ATP10A: variants seen among roughly 807,000 people sequenced by gnomAD.
The protein encoded by ATP10A is ATPase phospholipid transporting 10A (putative).
Under a neutral mutation model 147.8 loss-of-function variants are expected in ATP10A, and 111 were observed. The observed-to-expected ratio is 0.75, with a 90% confidence interval of 0.64 to 0.88. ATP10A has a LOEUF of 0.88. ATP10A is among the 40% of genes least tolerant of loss of function. The probability of loss-of-function intolerance (pLI) is 0.00; values close to 1 mark genes in which losing one functional copy is unlikely to be tolerated. For synonymous variants in ATP10A, 875 were observed against 841.6 expected, an observed-to-expected ratio of 1.04 and a Z score of -0.69; for missense variants, 1,927 against 1,959.0, an observed-to-expected ratio of 0.98 and a Z score of 0.31.
chr15:25,828,388 A>C lies in ATP10A; in HGVS notation c.449+34260T>G, dbSNP rs1044845820. ...GGCGTGTCCTGTAGTACAGACCATAAGCTAAGCCATAGAACAAAACTCAGT... is the reference window on the plus strand; with the variant it reads ...GGCGTGTCCTGTAGTACAGACCATACGCTAAGCCATAGAACAAAACTCAGT... On this transcript the variant is annotated intron_variant, in intron 1 of 20. Coordinates refer to ENST00000555815, the MANE Select transcript of ATP10A (RefSeq NM_024490.4). Among the ~76,000 whole-genome samples, 4 of 152,254 alleles carry C rather than the reference A, an allele frequency of 2.6e-5. No individual in the cohort carries two copies. The East Asian group carries it at 5.8e-4, about 22-fold the overall frequency.
chr15:25,694,406 T>A (rs1900197531), intron 14 of ATP10A, among the ~76,000 whole-genome samples: 2 of 152,188 alleles, frequency 1.3e-5, no homozygotes, highest in African/African-American at 4.8e-5. Context: ...TTACAAAGCC[T>A]TGGACACCCG....
rs1298984955 is a variant in ATP10A, at chr15:25,727,281, T to C, written c.741-15A>G. On this transcript the variant is annotated splice_polypyrimidine_tract_variant and intron_variant, in intron 3 of 20. Transcript: ENST00000555815. The stretch of plus-strand genomic sequence containing the variant: ...TGTCATGTATGCTGTAGAGGGACAG[T>C]TGGCACATGTCACGTGGTTGCAGGC... 4.4e-6 allele frequency: 7 copies of C among 1,602,072 alleles called. No individual in the cohort carries two copies. Among genetic ancestry groups the C allele is most frequent in the Non-Finnish European group, 6.0e-6 (7 of 1,169,190 alleles).
At chr15:25,688,665 C>G (rs1174021955) in intron 15 of ATP10A, among the ~76,000 whole-genome samples, 2 of 152,174 alleles carry the variant, frequency 1.3e-5, no homozygotes, top group East Asian at 3.9e-4. Flanking sequence ...GAATGCCAAC[C>G]TGCCTTTAAC....
In ATP10A at chr15:25,718,385, T is replaced by C. The variant is rs1412517460; in HGVS notation, c.1378A>G (p.Arg460Gly). 1.2e-6 allele frequency: 2 copies of C among 1,602,736 alleles called. No homozygotes were observed. Among genetic ancestry groups the C allele is most frequent in the East Asian group, 2.2e-5 (1 of 44,666 alleles). Residue 460 changes from arginine (R) to glycine (G), a missense_variant, in exon 8 of 21, where the codon AGG becomes GGG. Arg to Gly is a moderately radical substitution (Grantham distance 125). Transcript: ENST00000555815. ...TCCTCCGAGTCTGCCTCTTGGTACC[T>C]GGCCAGACGCTGCGCTGCGGGGAGA... ...SHDANAQRLA[R>G]YQEADSEEEE...
At chr15:25,810,889 T>C (rs1229749936) in intron 1 of ATP10A, among the ~76,000 whole-genome samples, 2 of 151,854 alleles carry the variant, frequency 1.3e-5, no homozygotes, top group Admixed American at 1.3e-4. Context: ...GCAGCCGAGA[T>C]CCTCAGGTGT....
intron 1 of ATP10A, among the ~76,000 whole-genome samples, chr15:25,807,913 A>G (rs1021608742): frequency 6.6e-6 from 1 of 152,152 alleles, no homozygotes; most frequent in African/African-American, 2.4e-5. Flanking sequence ...GTGGAGGTGA[A>G]GGTCAATTGA....
At chr15:25,691,870 G>A in intron 14 of ATP10A, 79 bp from the exon 15 acceptor site, 1 of 1,567,094 alleles carries the variant, frequency 6.4e-7, no homozygotes, top group Non-Finnish European at 8.8e-7. Context: ...GATTTTCTTG[G>A]GAGTCCCCGC....
intron 2 of ATP10A, among the ~76,000 whole-genome samples, chr15:25,767,285 CT>C (rs1296419621): frequency 6.6e-6 from 1 of 152,180 alleles, no homozygotes; most frequent in Admixed American, 6.5e-5. Flanking sequence ...TGTGGCACCC[CT>C]GAGACGGTGA....
chr15:25,839,940 T>C (rs1220676427), intron 1 of ATP10A, among the ~76,000 whole-genome samples: 2 of 152,132 alleles, frequency 1.3e-5, no homozygotes, highest in Non-Finnish European at 2.9e-5. Flanking sequence ...TGTGTGCGCA[T>C]GTGCATCTGT....
At chr15:25,771,165 T>G (rs1889313792) in intron 2 of ATP10A, among the ~76,000 whole-genome samples, 1 of 152,124 alleles carries the variant, frequency 6.6e-6, no homozygotes, top group Non-Finnish European at 1.5e-5. Flanking sequence ...TTCGGCCTCT[T>G]GGACTTGTGC....
intron 2 of ATP10A, among the ~76,000 whole-genome samples, chr15:25,760,881 A>G (rs1888724927): frequency 6.6e-6 from 1 of 152,190 alleles, no homozygotes; most frequent in African/African-American, 2.4e-5. Context: ...TGCCTACCAT[A>G]TGTTTCAGCC....
chr15:25,749,497 C>G (rs1888037808), intron 2 of ATP10A, among the ~76,000 whole-genome samples: 2 of 152,178 alleles, frequency 1.3e-5, no homozygotes, highest in Non-Finnish European at 2.9e-5. Flanking sequence ...TAGATGAGCA[C>G]TTCTTTAGAT....
Position 25,717,395 on chromosome 15 carries a change from A to G in ATP10A, c.1582-471T>C, listed in dbSNP as rs73362933. Among the ~76,000 whole-genome samples, 796 of 152,310 alleles carry G rather than the reference A, an allele frequency of 5.2e-3. 7 individuals carry two copies. Among genetic ancestry groups the G allele is most frequent in the African/African-American group, 0.019 (771 of 41,556 alleles). On this transcript the variant is annotated intron_variant, in intron 8 of 20. Coordinates refer to ENST00000555815, the MANE Select transcript of ATP10A (RefSeq NM_024490.4). Reference sequence around the variant, plus strand: ...GTAAATTACACATTGATAAACTTCCATATGTAGCAATCCTTGGCTGAATCG... The same window carrying G: ...GTAAATTACACATTGATAAACTTCCGTATGTAGCAATCCTTGGCTGAATCG...
chr15:25,719,251 T>A (rs1441743204), intron 7 of ATP10A, among the ~76,000 whole-genome samples: 1 of 152,180 alleles, frequency 6.6e-6, no homozygotes, highest in African/African-American at 2.4e-5. Flanking sequence ...GAGATACTTA[T>A]GGAGCCGGCC....
intron 16 of ATP10A, among the ~76,000 whole-genome samples, chr15:25,684,443 A>G (rs2605454): frequency 1 from 151,658 of 152,320 alleles, 75,505 homozygotes; most frequent in Middle Eastern, 1. Context: ...GCGACCCAGT[A>G]CATTTAGAGG....
chr15:25,778,276 TAA>T (rs1305684938), intron 2 of ATP10A, among the ~76,000 whole-genome samples: 4 of 152,228 alleles, frequency 2.6e-5, no homozygotes, highest in African/African-American at 9.6e-5. Context: ...TACCAGTTCT[TAA>T]CCTGTCTGAG....
chr15:25,733,680 G>A (rs1887094609), intron 3 of ATP10A, among the ~76,000 whole-genome samples: 1 of 152,232 alleles, frequency 6.6e-6, no homozygotes, highest in Non-Finnish European at 1.5e-5. Context: ...AGAGCGTCAG[G>A]TGTGGAGAGG....
At chr15:25,697,539 A>C (rs1018886038) in intron 13 of ATP10A, among the ~76,000 whole-genome samples, 18 of 152,228 alleles carry the variant, frequency 1.2e-4, no homozygotes, top group African/African-American at 3.9e-4. Context: ...TCCAAGAAGT[A>C]AGATTGAACA....
chr15:25,750,272 G>A (rs1280079374), intron 2 of ATP10A, among the ~76,000 whole-genome samples: 2 of 151,932 alleles, frequency 1.3e-5, no homozygotes, highest in African/African-American at 4.8e-5. Context: ...CAAGCAAGAT[G>A]ACACTGGAGC....
Sources: allele counts gnomAD v4.1 joint callset (sites outside exome capture counted in the v4.1 genomes callset), GRCh38; gene constraint gnomAD v4.1.1; transcripts MANE v1.5; gene names NCBI Gene and HGNC (gene_info 2026-07-23, HGNC 2026-07-21).